Variants in SAMMSON observed in about 807,000 individuals in gnomAD.
The protein encoded by SAMMSON is long intergenic non-protein coding RNA 1212.
intron 4 of SAMMSON, chr3:70,184,241 A>G (rs1559529919): frequency 6.6e-6 from 1 of 152,228 alleles, no homozygotes; most frequent in African/African-American, 2.4e-5. Flanking sequence ...TACTTTGGTT[A>G]ATATATGTTT....
At chr3:70,314,387 G>C (rs1205630947) in intron 7 of SAMMSON, among the ~76,000 whole-genome samples, 1 of 152,118 alleles carries the variant, frequency 6.6e-6, no homozygotes, top group Non-Finnish European at 1.5e-5. Context: ...CATAGTTACA[G>C]TGTTTGATGT....
chr3:70,360,865 A>G (rs1048154422), intron 9 of SAMMSON, among the ~76,000 whole-genome samples: 11 of 152,298 alleles, frequency 7.2e-5, no homozygotes, highest in African/African-American at 2.6e-4. Context: ...TATAATTCTA[A>G]ATGAAGAAGC....
At chr3:70,397,969 C>T (rs1242205682) in intron 2 of SAMMSON, among the ~76,000 whole-genome samples, 19 of 152,140 alleles carry the variant, frequency 1.2e-4, no homozygotes, top group Admixed American at 1.2e-3. Context: ...GTTATCTTTT[C>T]ATTTATAGTA....
chr3:70,147,882 A>G (rs2067555751), intron 4 of SAMMSON, among the ~76,000 whole-genome samples: 1 of 152,094 alleles, frequency 6.6e-6, no homozygotes, highest in Non-Finnish European at 1.5e-5. Flanking sequence ...CTGGGATAAA[A>G]GTATTTAAAA....
intron 6 of SAMMSON, among the ~76,000 whole-genome samples, chr3:70,259,044 C>G (rs1158066789): frequency 6.6e-6 from 1 of 152,064 alleles, no homozygotes; most frequent in African/African-American, 2.4e-5. Flanking sequence ...GAGAAAGATA[C>G]AGTTGATGTG....
rs148768991 is a variant in SAMMSON at position 70,209,372 on chromosome 3, T to TAC, written n.508-39722_508-39721dup. Among the ~76,000 whole-genome samples the TAC allele has an allele frequency of 5.7e-3, 865 of 151,954 alleles. 7 individuals carry two copies. Among genetic ancestry groups the TAC allele is most frequent in the African/African-American group, 0.02 (827 of 41,478 alleles). On this transcript the variant is annotated intron_variant and non_coding_transcript_variant, in intron 4 of 9. Coordinates refer to ENST00000642114, the Ensembl canonical transcript of SAMMSON. The stretch of plus-strand genomic sequence containing the variant: ...TCACTGTGGTTGAAAAGCACTGCTT[T>TAC]ACACACACACACACGAACACACACA...
intron 3 of SAMMSON, among the ~76,000 whole-genome samples, chr3:70,070,496 C>T (rs1017026048): frequency 6.6e-6 from 1 of 151,484 alleles, no homozygotes; most frequent in Non-Finnish European, 1.5e-5. Flanking sequence ...TTAGGGGCTG[C>T]TTTGCCAAAT....
chr3:70,062,395 G>A (rs1351155313), intron 3 of SAMMSON, among the ~76,000 whole-genome samples: 3 of 152,062 alleles, frequency 2.0e-5, no homozygotes, highest in Admixed American at 6.6e-5. Context: ...GCAATTTCTT[G>A]TGGTTTGATT....
At chr3:70,163,143 A>G (rs978798891) in intron 4 of SAMMSON, among the ~76,000 whole-genome samples, 3 of 150,946 alleles carry the variant, frequency 2.0e-5, no homozygotes, top group African/African-American at 7.3e-5. Flanking sequence ...TTCACATTCA[A>G]CGCAATGATT....
chr3:70,135,559 T>C (rs183273743), intron 4 of SAMMSON, among the ~76,000 whole-genome samples: 27 of 152,308 alleles, frequency 1.8e-4, no homozygotes, highest in African/African-American at 6.5e-4. Flanking sequence ...CTTTTTCTCA[T>C]TAAAGTGATT....
At chr3:70,090,804 A>G (rs1376729403) in intron 4 of SAMMSON, among the ~76,000 whole-genome samples, 1 of 151,842 alleles carries the variant, frequency 6.6e-6, no homozygotes, top group African/African-American at 2.4e-5. Flanking sequence ...CCATTGGCTG[A>G]TACCCACACT....
intron 7 of SAMMSON, among the ~76,000 whole-genome samples, chr3:70,309,204 A>G (rs1177600528): frequency 1.3e-5 from 2 of 152,116 alleles, no homozygotes; most frequent in African/African-American, 4.8e-5. Context: ...TGGAGATTCA[A>G]TTTGCCACTT....
intron 6 of SAMMSON, among the ~76,000 whole-genome samples, chr3:70,267,262 G>A (rs531086421): frequency 1.8e-4 from 27 of 152,074 alleles, no homozygotes; most frequent in African/African-American, 6.3e-4. Flanking sequence ...AAGAATTGAT[G>A]GGTAAATCTT....
intron 9 of SAMMSON, among the ~76,000 whole-genome samples, chr3:70,361,133 G>A (rs983131539): frequency 2.0e-5 from 3 of 151,918 alleles, no homozygotes; most frequent in African/African-American, 7.3e-5. Context: ...TGACTTTAAG[G>A]GCAAAACCCT....
chr3:70,167,307 A>G (rs2067641232), intron 4 of SAMMSON, among the ~76,000 whole-genome samples: 1 of 151,992 alleles, frequency 6.6e-6, no homozygotes, highest in South Asian at 2.1e-4. Context: ...GTTATTTTCT[A>G]CCTAGTAATG....
At chr3:70,375,113 T>C (rs1366241277) in intron 9 of SAMMSON, among the ~76,000 whole-genome samples, 1 of 152,214 alleles carries the variant, frequency 6.6e-6, no homozygotes, top group Non-Finnish European at 1.5e-5. Context: ...AGTACATCTA[T>C]GCCATATTGC....
At chr3:70,263,051 A>G (rs2106663232) in intron 6 of SAMMSON, among the ~76,000 whole-genome samples, 1 of 152,132 alleles carries the variant, frequency 6.6e-6, no homozygotes, top group East Asian at 1.9e-4. Flanking sequence ...TTTCTAGGTA[A>G]TTCATCTCTC....
intron 6 of SAMMSON, among the ~76,000 whole-genome samples, chr3:70,277,270 A>C (rs1437282542): frequency 6.6e-6 from 1 of 152,222 alleles, no homozygotes; most frequent in African/African-American, 2.4e-5. Context: ...TTAGTATATC[A>C]TTTTACATAT....
intron 4 of SAMMSON, among the ~76,000 whole-genome samples, chr3:70,202,870 T>C (rs1701255251): frequency 6.6e-6 from 1 of 152,100 alleles, no homozygotes; most frequent in Admixed American, 6.6e-5. Context: ...CTAGAAAGCA[T>C]CATCTTTAAT....
Sources: gnomAD v4.1 joint callset for allele counts (sites outside exome capture counted in the v4.1 genomes callset) on GRCh38, gnomAD v4.1.1 for gene constraint, MANE v1.5 for transcripts, NCBI Gene and HGNC (gene_info 2026-07-23, HGNC 2026-07-21) for gene names.